FOSL2: variants seen among roughly 807,000 people sequenced by gnomAD.
FOSL2 encodes the protein FOS like 2, AP-1 transcription factor subunit, also known as fos-related antigen 2.
Under a neutral mutation model 27.7 loss-of-function variants are expected in FOSL2, and 3 were observed. That is an observed-to-expected ratio of 0.11 (90% CI 0.05 to 0.28). The LOEUF (loss-of-function observed/expected upper bound fraction) is 0.28, where lower values mean the gene tolerates loss of function less well. Ranked by LOEUF, FOSL2 falls within the 10% of genes least tolerant of loss-of-function variation. The pLI is 1.00. For missense variants in FOSL2, 333 were observed against 445.1 expected (o/e 0.75, Z 2.27); for synonymous variants, 179 against 190.1 (o/e 0.94, Z 0.48).
chr2:28,409,932 G>A (rs559461023), intron 3 of FOSL2, among the ~76,000 whole-genome samples: 266 of 152,264 alleles, frequency 1.7e-3, no homozygotes, highest in Non-Finnish European at 2.8e-3. Context: ...ATAGAGACAG[G>A]GTTTCACCAT....
Position 28,412,399 on chromosome 2 carries a change from G to C in FOSL2, c.932G>C (p.Gly311Ala). ...SKAHRRSSSS[G>A]DQSSDSLNSP... ...GCTCACCGCAGAAGCAGTAGCAGCG[G>C]GGACCAATCATCAGACTCCTTGAAC... Residue 311 changes from glycine (G) to alanine (A), a missense_variant, in exon 4 of 4, where the codon GGG (glycine) becomes GCG (alanine). Around this residue, in one of 4 missense-constraint regions of FOSL2, gnomAD observed 26 missense variants for 59.3 expected, o/e 0.44. Coordinates refer to ENST00000264716, the MANE Select transcript of FOSL2 (RefSeq NM_005253.4). This position sits in a 1 kb window ranked among gnomAD's most constrained non-coding sequence, Gnocchi z 7.1. 1 of 1,605,084 alleles carries C rather than the reference G, an allele frequency of 6.2e-7. No individual in the cohort carries two copies. Among genetic ancestry groups the C allele is most frequent in the East Asian group, 2.2e-5 (1 of 44,868 alleles).
Position 28,404,460 on chromosome 2 carries a change from C to A in FOSL2, c.354+102C>A. On this transcript the variant is annotated intron_variant, in intron 2 of 3. Transcript: ENST00000264716. The surrounding 1 kb of genome is among the most constrained non-coding windows in gnomAD (Gnocchi z 4.7). Reference sequence around the variant, plus strand: ...ACTGGGAGGGTTAATGTTCTGAGAGCAGGGGAGACAAGGGAGCTAGGGGTC... The same window carrying A: ...ACTGGGAGGGTTAATGTTCTGAGAGAAGGGGAGACAAGGGAGCTAGGGGTC... The A allele has an allele frequency of 1.4e-6, 2 of 1,412,408 alleles. No individual in the cohort carries two copies. The highest frequency in any genetic ancestry group is 9.6e-7 in the Non-Finnish European group (1 of 1,041,106). The allele number at this position is 1,412,408 out of a possible 1,614,324, so 87.5% of individuals were successfully genotyped here.
At position 28,393,460 on chromosome 2, in the gene FOSL2, G is replaced by A. The variant is rs1663723055; in HGVS notation, c.-261G>A. The A allele has an allele frequency of 2.3e-6, 1 of 442,136 alleles. No homozygotes were observed. Among genetic ancestry groups the A allele is most frequent in the African/African-American group, 2.1e-5 (1 of 47,354 alleles). The allele number at this position is 442,136 out of a possible 1,614,324, so 27.4% of individuals were successfully genotyped here. A position where few individuals can be genotyped will look rare whatever the true frequency, so the allele number is the denominator to read the frequency against. ...GAGAGACGCGCCGACTTTTTAGAGG[G>A]AGGGATCGGGTGGACAACTGGTCCC... On this transcript the variant is annotated 5_prime_UTR_variant, in exon 1 of 4. Coordinates refer to ENST00000264716, the MANE Select transcript of FOSL2 (RefSeq NM_005253.4). The surrounding 1 kb of genome is among the most constrained non-coding windows in gnomAD (Gnocchi z 4.6).
At chr2:28,394,167 TTC>T (rs1663755968) in intron 1 of FOSL2, among the ~76,000 whole-genome samples, 1 of 118,068 alleles carries the variant, frequency 8.5e-6, no homozygotes, top group South Asian at 3.2e-4. Flanking sequence ...GCCCCGCGTC[TTC>T]TCTCTGGGTG....
In FOSL2 at chr2:28,408,923, G is replaced by C; in HGVS notation, c.462+57G>C. Reference sequence around the variant, plus strand: ...CTGGGTGGGCTGGAGTGAGAGCCCCGGGGGTCCTGATCCTCTCTCCCACAG... The same window carrying C: ...CTGGGTGGGCTGGAGTGAGAGCCCCCGGGGTCCTGATCCTCTCTCCCACAG... On this transcript the variant is annotated intron_variant, in intron 3 of 3. Transcript: ENST00000264716. The surrounding 1 kb of genome is among the most constrained non-coding windows in gnomAD (Gnocchi z 4.1). 8.1e-7 allele frequency: 1 copy of C among 1,228,454 alleles called. No homozygotes were observed. The highest frequency in any genetic ancestry group is 1.1e-6 in the Non-Finnish European group (1 of 875,326). 76.1% of individuals were successfully genotyped at this position (1,228,454 alleles called of 1,614,324 possible).
intron 1 of FOSL2, among the ~76,000 whole-genome samples, chr2:28,399,620 C>T (rs1484072006): frequency 2.6e-5 from 4 of 152,156 alleles, no homozygotes; most frequent in Non-Finnish European, 4.4e-5. Context: ...GTTTGAACGT[C>T]GGCTCAGGGT....
Position 28,416,281 on chromosome 2 carries a change from T to C in FOSL2, c.*3833T>C, listed in dbSNP as rs1353310859. 2.6e-5 allele frequency: 4 copies of C among 152,146 alleles called. No individual in the cohort carries two copies. Among genetic ancestry groups the C allele is most frequent in the African/African-American group, 9.7e-5 (4 of 41,416 alleles). The allele number at this position is 152,146 out of a possible 1,614,324, so 9.4% of individuals were successfully genotyped here. On this transcript the variant is annotated 3_prime_UTR_variant, in exon 4 of 4. Transcript: ENST00000264716. ...CAAGGGGTTTAATTTATCCAATGCT[T>C]GACGACATGTTCAGGAGGGGCTGGA...
Position 28,412,534 on chromosome 2 carries a change from C to A in FOSL2, c.*86C>A. The A allele has an allele frequency of 6.7e-7, 1 of 1,489,078 alleles. No individual in the cohort carries two copies. The highest frequency in any genetic ancestry group is 9.0e-7 in the Non-Finnish European group (1 of 1,107,026). 92.2% of individuals were successfully genotyped at this position (1,489,078 alleles called of 1,614,324 possible). On this transcript the variant is annotated 3_prime_UTR_variant, in exon 4 of 4. Coordinates refer to ENST00000264716, the MANE Select transcript of FOSL2 (RefSeq NM_005253.4). This position sits in a 1 kb window ranked among gnomAD's most constrained non-coding sequence, Gnocchi z 7.1. Reference sequence around the variant, plus strand: ...CCAGCACCTTCAAGCGCTCCAGGGCCGTGAGGGCAAGAGGGGGACCTGCCA... The same window carrying A: ...CCAGCACCTTCAAGCGCTCCAGGGCAGTGAGGGCAAGAGGGGGACCTGCCA...
rs537447580 is a variant in FOSL2 at position 28,412,103 on chromosome 2, G to T, written c.636G>T (p.Gly212=). The T allele has an allele frequency of 2.5e-6, 4 of 1,606,576 alleles. No individual in the cohort carries two copies. The Admixed American group carries it at 5.0e-5, about 20-fold the overall frequency. Residue 212 remains glycine, a synonymous_variant, in exon 4 of 4, where the codon GGG becomes GGT. Coordinates refer to ENST00000264716, the MANE Select transcript of FOSL2 (RefSeq NM_005253.4). This position sits in a 1 kb window ranked among gnomAD's most constrained non-coding sequence, Gnocchi z 7.1. ...CTGGGCTGCAGCCCATGCGCAGTGG[G>T]GGTGGCTCGGTGGGCGCTGTAGTGG... ...PAPGLQPMRS[G]GGSVGAVVVK...
At chr2:28,407,064 G>A (rs1664099748) in intron 2 of FOSL2, among the ~76,000 whole-genome samples, 1 of 152,216 alleles carries the variant, frequency 6.6e-6, no homozygotes, top group African/African-American at 2.4e-5. Flanking sequence ...CACCAGTCAG[G>A]GGAGAGACTT....
chr2:28,397,920 G>A (rs932086789), intron 1 of FOSL2, among the ~76,000 whole-genome samples: 11 of 152,192 alleles, frequency 7.2e-5, no homozygotes, highest in Admixed American at 3.9e-4. Context: ...CTTTGGAGCC[G>A]AGTCTGACAT....
At chr2:28,405,805 G>T (rs1664064986) in intron 2 of FOSL2, among the ~76,000 whole-genome samples, 2 of 152,198 alleles carry the variant, frequency 1.3e-5, no homozygotes, top group African/African-American at 4.8e-5. Context: ...CAAGTGGCCA[G>T]TATCCTCCTC....
Position 28,414,364 on chromosome 2 carries a change from G to A in FOSL2, c.*1916G>A, listed in dbSNP as rs909916610. The A allele has an allele frequency of 2.0e-5, 3 of 152,376 alleles. No individual in the cohort carries two copies. Among genetic ancestry groups the A allele is most frequent in the Admixed American group, 2.0e-4 (3 of 15,286 alleles). 9.4% of individuals were successfully genotyped at this position (152,376 alleles called of 1,614,324 possible). The stretch of plus-strand genomic sequence containing the variant: ...AGAAAGGAGGGTTTCAAAGAAAAAG[G>A]ATTTTGTTTAAAATACTTTAAAAAT... On this transcript the variant is annotated 3_prime_UTR_variant, in exon 4 of 4. Coordinates refer to ENST00000264716, the MANE Select transcript of FOSL2 (RefSeq NM_005253.4).
At position 28,393,613 on chromosome 2, in the gene FOSL2, C is replaced by T. The variant is rs1663729581; in HGVS notation, c.-108C>T. On this transcript the variant is annotated 5_prime_UTR_variant, in exon 1 of 4. Coordinates refer to ENST00000264716, the MANE Select transcript of FOSL2 (RefSeq NM_005253.4). This position sits in a 1 kb window ranked among gnomAD's most constrained non-coding sequence, Gnocchi z 4.6. Reference sequence around the variant, plus strand: ...GAAACCCAGGAGCGAAGCCCAGAGCCCGCGGCGCGGCCGGCGGACGAACGA... The same window carrying T: ...GAAACCCAGGAGCGAAGCCCAGAGCTCGCGGCGCGGCCGGCGGACGAACGA... The T allele has an allele frequency of 2.6e-6, 2 of 781,668 alleles. No individual in the cohort carries two copies. Among genetic ancestry groups the T allele is most frequent in the African/African-American group, 1.9e-5 (1 of 54,022 alleles). The allele number at this position is 781,668 out of a possible 1,614,324, so 48.4% of individuals were successfully genotyped here. A position where few individuals can be genotyped will look rare whatever the true frequency, so the allele number is the denominator to read the frequency against.
rs1346511540 is a variant in FOSL2, at chr2:28,393,555, C to T, written c.-166C>T. 5 of 582,820 alleles carry T rather than the reference C, an allele frequency of 8.6e-6. No homozygotes were observed. The highest frequency in any genetic ancestry group is 1.5e-5 in the Non-Finnish European group (5 of 329,444). The allele number at this position is 582,820 out of a possible 1,614,324, so 36.1% of individuals were successfully genotyped here. ...GGGGACGCTGTTCCTGAGGTGTCGC[C>T]GCCTCCCTGTCCTCGCCCTCCGCGG... On this transcript the variant is annotated 5_prime_UTR_variant, in exon 1 of 4. Coordinates refer to ENST00000264716, the MANE Select transcript of FOSL2 (RefSeq NM_005253.4). This position sits in a 1 kb window ranked among gnomAD's most constrained non-coding sequence, Gnocchi z 4.6.
At position 28,393,866 on chromosome 2, in the gene FOSL2, T is replaced by C; in HGVS notation, c.102+44T>C. 1 of 1,326,184 alleles carries C rather than the reference T, an allele frequency of 7.5e-7. No individual in the cohort carries two copies. The highest frequency in any genetic ancestry group is 2.6e-5 in the East Asian group (1 of 38,548). 82.2% of individuals were successfully genotyped at this position (1,326,184 alleles called of 1,614,324 possible). A position where few individuals can be genotyped will look rare whatever the true frequency, so the allele number is the denominator to read the frequency against. ...GCACCTGGCGGCGCGGGCGGACCCC[T>C]GCCCTCTTCTCGCCGCCACTGCCTC... On this transcript the variant is annotated intron_variant, in intron 1 of 3. Coordinates refer to ENST00000264716, the MANE Select transcript of FOSL2 (RefSeq NM_005253.4). This position sits in a 1 kb window ranked among gnomAD's most constrained non-coding sequence, Gnocchi z 4.6.
Position 28,411,950 on chromosome 2 carries a change from G to C in FOSL2, c.483G>C (p.Glu161Asp). The C allele has an allele frequency of 6.2e-7, 1 of 1,614,234 alleles. No homozygotes were observed. Among genetic ancestry groups the C allele is most frequent in the Non-Finnish European group, 8.5e-7 (1 of 1,180,030 alleles). The change falls in exon 4 of 4, where the codon GAG becomes GAC. Residue 161 changes from glutamate (E) to aspartate (D), a missense_variant. Physicochemically the swap from Glu to Asp is conservative, Grantham distance 45. Transcript: ENST00000264716. ...GGCAGGAGACAGAGGAGCTGGAGGA[G>C]GAGAAGTCAGGCCTGCAGAAGGAGA... Reference protein sequence around the residue: ...KLQAETEELEEEKSGLQKEIA... With the variant: ...KLQAETEELEDEKSGLQKEIA...
intron 3 of FOSL2, among the ~76,000 whole-genome samples, chr2:28,411,249 C>T (rs1441250568): frequency 2.0e-5 from 3 of 152,214 alleles, no homozygotes; most frequent in Admixed American, 2.0e-4. Flanking sequence ...AAGCCAGGCA[C>T]TGTTCTAGGT....
Position 28,412,380 on chromosome 2 carries a change from C to T in FOSL2, c.913C>T (p.Arg305Cys), listed in dbSNP as rs1664223132. 1 of 1,609,242 alleles carries T rather than the reference C, an allele frequency of 6.2e-7. No homozygotes were observed. The highest frequency in any genetic ancestry group is 8.5e-7 in the Non-Finnish European group (1 of 1,179,990). Reference protein sequence around the residue: ...SPSESCSKAHRRSSSSGDQSS... With the variant: ...SPSESCSKAHCRSSSSGDQSS... ...CTCCGAATCCTGCTCCAAGGCTCAC[C>T]GCAGAAGCAGTAGCAGCGGGGACCA... Residue 305 changes from arginine to cysteine, a missense_variant, in exon 4 of 4, where the codon CGC becomes TGC. This residue lies in a region of FOSL2 where 26 missense variants were observed against 59.3 expected (regional missense o/e 0.44). Coordinates refer to ENST00000264716, the MANE Select transcript of FOSL2 (RefSeq NM_005253.4). This position sits in a 1 kb window ranked among gnomAD's most constrained non-coding sequence, Gnocchi z 7.1.
Sources: gnomAD v4.1 joint callset for allele counts (sites outside exome capture counted in the v4.1 genomes callset) on GRCh38, gnomAD v4.1.1 for gene constraint, gnomAD v4.1.1 regional missense constraint, Gnocchi (gnomAD v3.1) non-coding constraint, MANE v1.5 for transcripts, NCBI Gene and HGNC (gene_info 2026-07-23, HGNC 2026-07-21) for gene names.